Variants in CDC14A observed in about 807,000 individuals in gnomAD.
The protein encoded by CDC14A is dual specificity protein phosphatase CDC14A.
In CDC14A, 53 loss-of-function variants were observed where a neutral mutation model predicts 74.4. That is an observed-to-expected ratio of 0.71 (90% CI 0.57 to 0.89). The LOEUF (loss-of-function observed/expected upper bound fraction) is 0.89, where lower values mean the gene tolerates loss of function less well. Among genes scored for constraint, CDC14A ranks in the 40% least tolerant of loss-of-function variants. CDC14A has a pLI of 0.00. For missense variants in CDC14A, 646 were observed against 713.7 expected, an observed-to-expected ratio of 0.91 and a Z score of 1.08; for synonymous variants, 247 against 258.4, an observed-to-expected ratio of 0.96 and a Z score of 0.43.
chr1:100,385,123 C>G (rs1416833401), intron 3 of CDC14A, among the ~76,000 whole-genome samples: 1 of 152,132 alleles, frequency 6.6e-6, no homozygotes, highest in African/African-American at 2.4e-5. Context: ...TTTAGAATTC[C>G]TTTTTAAGAG....
At chr1:100,421,312 C>T (rs1662332187) in intron 4 of CDC14A, among the ~76,000 whole-genome samples, 1 of 152,132 alleles carries the variant, frequency 6.6e-6, no homozygotes, top group Non-Finnish European at 1.5e-5. Context: ...TTTTATGATT[C>T]TGCTGAGAGA....
chr1:100,455,441 G>A lies in CDC14A; in HGVS notation c.556G>A (p.Gly186Arg). 6.2e-7 allele frequency: 1 copy of A among 1,603,098 alleles called. No individual in the cohort carries two copies. Among genetic ancestry groups the A allele is most frequent in the Non-Finnish European group, 8.5e-7 (1 of 1,177,148 alleles). ...ENGDFNWIVP[G>R]KFLAFSGPHP... is the part of the protein sequence containing the mutation. ...TGGTGACTTCAACTGGATTGTTCCA[G>A]GAAAATTTTTAGCATTTAGTGGACC... Residue 186 changes from glycine (G) to arginine (R), a missense_variant, in exon 8 of 16, where the codon GGA (glycine) becomes AGA (arginine). Gly to Arg is a moderately radical substitution (Grantham distance 125, BLOSUM62 -2). Transcript: ENST00000336454.
At chr1:100,375,257 A>G (rs2100941214) in intron 2 of CDC14A, among the ~76,000 whole-genome samples, 1 of 152,342 alleles carries the variant, frequency 6.6e-6, no homozygotes, top group South Asian at 2.1e-4. Context: ...AGGAATGGAC[A>G]TGTTTGTTGG....
intron 8 of CDC14A, 53 bp from the exon 9 acceptor site, chr1:100,462,598 G>A: frequency 7.6e-7 from 1 of 1,324,174 alleles, no homozygotes; most frequent in Non-Finnish European, 1.1e-6. Context: ...GTATTTCTGG[G>A]TTGTGGAAGA....
At chr1:100,357,745 T>TA (rs71310165) in intron 2 of CDC14A, among the ~76,000 whole-genome samples, 33,192 of 139,388 alleles carry the variant, frequency 0.24, 4,252 homozygotes, top group African/African-American at 0.34. Context: ...CCCCATCTCT[T>TA]AAAAAAAAAA....
rs1187977963 is a variant in CDC14A at position 100,377,591 on chromosome 1, A to C, written c.186A>C (p.Arg62Ser). 1.2e-6 allele frequency: 2 copies of C among 1,613,362 alleles called. No individual in the cohort carries two copies. Among genetic ancestry groups the C allele is most frequent in the Non-Finnish European group, 1.7e-6 (2 of 1,179,438 alleles). The change falls in exon 3 of 16, where the codon AGA becomes AGC. Residue 62 changes from arginine (R) to serine (S), a missense_variant. Arg to Ser is a moderately radical substitution (Grantham distance 110, BLOSUM62 -1). Coordinates refer to ENST00000336454, the MANE Select transcript of CDC14A (RefSeq NM_003672.4). ...FGPLNLAMVY[R>S]YCCKLNKKLK... ...CGCTGAACTTGGCAATGGTGTACAGATATTGCTGCAAACTAAACAAGAAAC... is the reference window on the plus strand; with the variant it reads ...CGCTGAACTTGGCAATGGTGTACAGCTATTGCTGCAAACTAAACAAGAAAC...
intron 3 of CDC14A, chr1:100,383,698 C>T (rs1656459190): frequency 1.3e-5 from 2 of 152,414 alleles, no homozygotes; most frequent in Admixed American, 6.5e-5. Flanking sequence ...CTTAATATGA[C>T]CATGATCATT....
intron 5 of CDC14A, among the ~76,000 whole-genome samples, chr1:100,436,684 C>T (rs1664383548): frequency 6.6e-6 from 1 of 152,132 alleles, no homozygotes; most frequent in African/African-American, 2.4e-5. Context: ...CTTCGGCCTC[C>T]CAAAGTGCTG....
At chr1:100,398,499 A>C (rs1222450495) in intron 4 of CDC14A, among the ~76,000 whole-genome samples, 1 of 152,196 alleles carries the variant, frequency 6.6e-6, no homozygotes, top group African/African-American at 2.4e-5. Flanking sequence ...ATGTTATTTT[A>C]AGGGAATATT....
chr1:100,519,489 G>C lies in CDC14A; in HGVS notation c.*1209G>C, dbSNP rs898368552. ...CCTGATATCCTTCCAGGCTGCTTAA[G>C]AATGGACTGCTTCGACACTGAAAGT... On this transcript the variant is annotated 3_prime_UTR_variant, in exon 16 of 16. Coordinates refer to ENST00000336454, the MANE Select transcript of CDC14A (RefSeq NM_003672.4). The C allele has an allele frequency of 2.6e-5, 4 of 152,134 alleles. No individual in the cohort carries two copies. In the East Asian group the frequency reaches 7.7e-4, roughly 29 times the overall value. The allele number at this position is 152,134 out of a possible 1,614,324, so 9.4% of individuals were successfully genotyped here.
intron 7 of CDC14A, among the ~76,000 whole-genome samples, chr1:100,449,575 C>T (rs972504437): frequency 6.6e-6 from 1 of 152,178 alleles, no homozygotes; most frequent in African/African-American, 2.4e-5. Context: ...TCTTTCTGGT[C>T]CACTGTATTT....
intron 7 of CDC14A, among the ~76,000 whole-genome samples, chr1:100,446,510 G>A (rs1236951382): frequency 1.3e-5 from 2 of 152,184 alleles, no homozygotes; most frequent in Non-Finnish European, 2.9e-5. Context: ...ATAGAAATGT[G>A]AAAGTCATAT....
chr1:100,449,946 G>C (rs17122537), intron 7 of CDC14A, among the ~76,000 whole-genome samples: 1 of 152,062 alleles, frequency 6.6e-6, no homozygotes, highest in East Asian at 1.9e-4. Context: ...AATTTACCAT[G>C]GTAGACAACT....
At chr1:100,483,851 CT>C (rs1176746057) in intron 10 of CDC14A, among the ~76,000 whole-genome samples, 3 of 152,108 alleles carry the variant, frequency 2.0e-5, no homozygotes, top group Non-Finnish European at 2.9e-5. Flanking sequence ...GTATGCAATA[CT>C]TTTTTGGGTA....
intron 10 of CDC14A, among the ~76,000 whole-genome samples, chr1:100,483,563 A>G (rs1362156420): frequency 6.6e-6 from 1 of 152,154 alleles, no homozygotes; most frequent in Non-Finnish European, 1.5e-5. Flanking sequence ...ATTTTATGGA[A>G]TAGTTTATCT....
At chr1:100,401,423 T>A (rs538819753) in intron 4 of CDC14A, among the ~76,000 whole-genome samples, 5 of 152,332 alleles carry the variant, frequency 3.3e-5, no homozygotes, top group African/African-American at 1.2e-4. Flanking sequence ...ACCTGTGATG[T>A]GCTTAAAGAT....
At chr1:100,510,382 T>G (rs1649625985) in intron 15 of CDC14A, among the ~76,000 whole-genome samples, 1 of 152,238 alleles carries the variant, frequency 6.6e-6, no homozygotes, top group African/African-American at 2.4e-5. Context: ...TATTTTAAAC[T>G]TTCTTAACCT....
At chr1:100,448,296 C>G (rs1465939021) in intron 7 of CDC14A, among the ~76,000 whole-genome samples, 1 of 152,204 alleles carries the variant, frequency 6.6e-6, no homozygotes, top group African/African-American at 2.4e-5. Flanking sequence ...CCTGCCATAA[C>G]TCATTCCTTT....
chr1:100,507,910 C>T (rs763541620), intron 15 of CDC14A, among the ~76,000 whole-genome samples: 1 of 152,134 alleles, frequency 6.6e-6, no homozygotes, highest in Non-Finnish European at 1.5e-5. Context: ...AAACTCCTTA[C>T]CTCAGGTGAT....
Sources: gnomAD v4.1 joint callset for allele counts (sites outside exome capture counted in the v4.1 genomes callset) on GRCh38, gnomAD v4.1.1 for gene constraint, MANE v1.5 for transcripts, NCBI Gene and HGNC (gene_info 2026-07-23, HGNC 2026-07-21) for gene names.